Variants in KIF14 observed in about 807,000 individuals in gnomAD.
The protein encoded by KIF14 is kinesin-like protein KIF14.
In KIF14, 98 loss-of-function variants were observed where a neutral mutation model predicts 176.2. The ratio of observed to expected loss-of-function variants is 0.56; its 90% CI spans 0.47 to 0.66. The LOEUF is 0.66. Among genes scored for constraint, KIF14 ranks in the 30% least tolerant of loss-of-function variants. KIF14 has a pLI of 0.00. For synonymous variants in KIF14, 566 were observed against 632.2 expected, an observed-to-expected ratio of 0.90 and a Z score of 1.57; for missense variants, 1,751 against 1,920.4, an observed-to-expected ratio of 0.91 and a Z score of 1.65.
intron 22 of KIF14, among the ~76,000 whole-genome samples, chr1:200,571,137 T>C (rs1171710683): frequency 6.6e-6 from 1 of 152,106 alleles, no homozygotes; most frequent in Non-Finnish European, 1.5e-5. Context: ...TGACCTCTTT[T>C]TCCTCAGCCT....
chr1:200,572,343 C>T (rs1657838498), intron 22 of KIF14, among the ~76,000 whole-genome samples: 2 of 152,172 alleles, frequency 1.3e-5, no homozygotes, highest in South Asian at 2.1e-4. Context: ...ATCTAGGAGG[C>T]TAAAAGTCTT....
chr1:200,595,094 C>T (rs182643566), intron 14 of KIF14, among the ~76,000 whole-genome samples: 1 of 152,274 alleles, frequency 6.6e-6, no homozygotes, highest in East Asian at 1.9e-4. Flanking sequence ...TCTGAATTTG[C>T]CTTAATGTCA....
intron 21 of KIF14, 76 bp downstream of exon 21, chr1:200,580,178 C>T: frequency 2.6e-6 from 2 of 767,310 alleles, no homozygotes; most frequent in Non-Finnish European, 3.6e-6. Flanking sequence ...ATACTTTTTT[C>T]ACCAAAAGCA....
chr1:200,613,246 C>T (rs189968114), intron 4 of KIF14, among the ~76,000 whole-genome samples: 36 of 152,250 alleles, frequency 2.4e-4, no homozygotes, highest in African/African-American at 8.2e-4. Context: ...ACACAGTGAA[C>T]AATTTATAGA....
At position 200,615,226 on chromosome 1, in the gene KIF14, T is replaced by C. The variant is rs931923279; in HGVS notation, c.1367+129A>G. On this transcript the variant is annotated intron_variant, in intron 3 of 29. Coordinates refer to ENST00000367350, the MANE Select transcript of KIF14 (RefSeq NM_014875.3). ...TGCCCAAGTTTGCAGAACTGGTATA[T>C]AAAATGGATGAGATTTGGGCCAAGA... 2.6e-5 allele frequency: 26 copies of C among 986,836 alleles called. No individual in the cohort carries two copies. In the South Asian group the frequency reaches 3.3e-4, roughly 13 times the overall value. The allele number at this position is 986,836 out of a possible 1,614,324, so 61.1% of individuals were successfully genotyped here.
chr1:200,568,921 ATTTTTTT>A (rs144531910), intron 23 of KIF14, among the ~76,000 whole-genome samples: 3 of 106,690 alleles, frequency 2.8e-5, no homozygotes, highest in African/African-American at 1.2e-4. Context: ...GCAGGTAGTA[ATTTTTTT>A]TTTTTTTTTT....
intron 13 of KIF14, among the ~76,000 whole-genome samples, 156 bp downstream of exon 13, chr1:200,599,894 C>A (rs893100977): frequency 5.9e-5 from 9 of 152,132 alleles, no homozygotes; most frequent in African/African-American, 2.2e-4. Flanking sequence ...CTTAACATTT[C>A]TTTATATTAA....
intron 21 of KIF14, among the ~76,000 whole-genome samples, chr1:200,576,712 T>G (rs1658134983): frequency 6.6e-6 from 1 of 152,212 alleles, no homozygotes; most frequent in Non-Finnish European, 1.5e-5. Flanking sequence ...ATAAACATTG[T>G]CAATGCTTTG....
At chr1:200,565,729 A>T (rs571923706) in intron 23 of KIF14, 60 bp from the exon 24 acceptor site, 81 of 1,074,250 alleles carry the variant, frequency 7.5e-5, no homozygotes, top group Middle Eastern at 6.3e-4. Flanking sequence ...TTTCTTTTTT[A>T]AAAAAAGGGA....
intron 2 of KIF14, 113 bp downstream of exon 2, chr1:200,617,499 A>G: frequency 3.9e-6 from 4 of 1,016,700 alleles, no homozygotes; most frequent in Non-Finnish European, 5.8e-6. Flanking sequence ...ATATAAAAGT[A>G]TTGCCAACAA....
chr1:200,559,972 C>T (rs1482600150), intron 26 of KIF14, among the ~76,000 whole-genome samples: 3 of 152,122 alleles, frequency 2.0e-5, no homozygotes, highest in Non-Finnish European at 4.4e-5. Flanking sequence ...CCAAGCTGGT[C>T]TTGAACTGCT....
chr1:200,564,686 C>G (rs1362029028), intron 25 of KIF14, among the ~76,000 whole-genome samples: 1 of 152,160 alleles, frequency 6.6e-6, no homozygotes, highest in African/African-American at 2.4e-5. Context: ...AATGGCAGAG[C>G]ATGAACTGGG....
At chr1:200,557,396 A>C (rs1656892380) in intron 27 of KIF14, among the ~76,000 whole-genome samples, 1 of 152,244 alleles carries the variant, frequency 6.6e-6, no homozygotes, top group Non-Finnish European at 1.5e-5. Context: ...GAATGACTTA[A>C]GATTTGCCAG....
At position 200,554,542 on chromosome 1, in the gene KIF14, T is replaced by C; in HGVS notation, c.4493A>G (p.Asn1498Ser). 1 of 1,557,610 alleles carries C rather than the reference T, an allele frequency of 6.4e-7. No homozygotes were observed. ...TAACTTTAAGAATTCTGGAGCACGA[T>C]TAACCATCCTCTTGAAATCTTGGTA... The part of the protein sequence containing the change: ...FEYQDFKRMV[N>S]RAPEFLKLKH... Residue 1498 changes from asparagine (N) to serine (S), a missense_variant, in exon 29 of 30, where the codon AAT becomes AGT. Transcript: ENST00000367350.
At chr1:200,610,608 T>G (rs752742113) in intron 4 of KIF14, among the ~76,000 whole-genome samples, 4 of 152,188 alleles carry the variant, frequency 2.6e-5, no homozygotes, top group Admixed American at 6.5e-5. Context: ...CAATAAGCAT[T>G]TCTTAAGTAC....
At chr1:200,566,521 A>G (rs1038482592) in intron 23 of KIF14, among the ~76,000 whole-genome samples, 2 of 151,234 alleles carry the variant, frequency 1.3e-5, no homozygotes, top group Non-Finnish European at 2.9e-5. Context: ...TGAAGCCAGG[A>G]GGCGGAGGTT....
intron 17 of KIF14, among the ~76,000 whole-genome samples, chr1:200,589,770 G>C (rs1658958651): frequency 1.5e-5 from 2 of 136,760 alleles, no homozygotes; most frequent in African/African-American, 5.6e-5. Flanking sequence ...TCCTAGCTCA[G>C]CCTTCTGAGT....
At chr1:200,567,850 A>G (rs898188943) in intron 23 of KIF14, among the ~76,000 whole-genome samples, 1 of 142,556 alleles carries the variant, frequency 7.0e-6, no homozygotes, top group Non-Finnish European at 1.6e-5. Flanking sequence ...TGTAAAGAGA[A>G]AAAAAAAAAG....
At chr1:200,580,620 C>T (rs1461505720) in intron 20 of KIF14, among the ~76,000 whole-genome samples, 3 of 151,942 alleles carry the variant, frequency 2.0e-5, no homozygotes, top group East Asian at 1.9e-4. Context: ...CAATGAAATA[C>T]TGATACATTT....
Sources: gnomAD v4.1 joint callset for allele counts (sites outside exome capture counted in the v4.1 genomes callset) on GRCh38, gnomAD v4.1.1 for gene constraint, MANE v1.5 for transcripts, NCBI Gene and HGNC (gene_info 2026-07-23, HGNC 2026-07-21) for gene names.